The following CTNNA2 variants were observed in gnomAD, a reference collection of about 807,000 sequenced individuals.
CTNNA2 encodes catenin alpha-2.
CTNNA2 carries 42 observed loss-of-function variants against 101.0 expected under a neutral mutation model. The ratio of observed to expected loss-of-function variants is 0.42; its 90% CI spans 0.32 to 0.54. CTNNA2 has a LOEUF of 0.54. Among genes scored for constraint, CTNNA2 ranks in the 20% least tolerant of loss-of-function variants. CTNNA2 has a pLI of 0.14. For missense variants in CTNNA2, 871 were observed against 1,223.1 expected (o/e 0.71, Z 4.29); for synonymous variants, 450 against 456.4 (o/e 0.99, Z 0.18).
chr2:79,340,849 A>AAAG (rs1677119560), intron 3 of CTNNA2, among the ~76,000 whole-genome samples: 2 of 149,410 alleles, frequency 1.3e-5, no homozygotes, highest in African/African-American at 4.9e-5. Flanking sequence ...AAAAAAAAAA[A>AAAG]AAAAAGAAAA....
At chr2:79,986,439 G>C (rs1259993870) in intron 7 of CTNNA2, among the ~76,000 whole-genome samples, 1 of 152,082 alleles carries the variant, frequency 6.6e-6, no homozygotes, top group African/African-American at 2.4e-5. Flanking sequence ...ACTGTTGGTG[G>C]GACCACTGAT....
At position 80,605,120 on chromosome 2, in the gene CTNNA2, C is replaced by T. The variant is rs574312300; in HGVS notation, c.2295+941C>T. ...GAAATTCTCAGAGTATCTCTTAATG[C>T]TTTCAAACCAAACTAGGATATACAT... On this transcript the variant is annotated intron_variant, in intron 16 of 18. Transcript: ENST00000402739. The T allele has an allele frequency of 2.6e-5, 4 of 152,098 alleles. No homozygotes were observed. The East Asian group carries it at 7.8e-4, about 30-fold the overall frequency. 9.4% of individuals were successfully genotyped at this position (152,098 alleles called of 1,614,324 possible). A position where few individuals can be genotyped will look rare whatever the true frequency, so the allele number is the denominator to read the frequency against.
intron 9 of CTNNA2, among the ~76,000 whole-genome samples, chr2:80,479,349 T>G (rs1325979965): frequency 3.3e-5 from 5 of 152,118 alleles, no homozygotes; most frequent in Non-Finnish European, 5.9e-5. Flanking sequence ...ATGCTACTGG[T>G]GTCTAGTGGG....
rs192350120 is a variant in CTNNA2 at position 79,836,663 on chromosome 2, G to T, written c.299-21350G>T. Among the ~76,000 whole-genome samples the T allele has an allele frequency of 5.9e-5, 9 of 152,296 alleles. No individual in the cohort carries two copies. The East Asian group carries it at 1.7e-3, about 29-fold the overall frequency. On this transcript the variant is annotated intron_variant, in intron 3 of 18. Coordinates refer to ENST00000402739, the MANE Select transcript of CTNNA2 (RefSeq NM_001282597.3). ...TCTTCCTAGCTCCTGGTGGTTTGCT[G>T]TTCATCTTTGGTGTGCCTTGACTTA...
At position 79,724,857 on chromosome 2, in the gene CTNNA2, T is replaced by C. The variant is rs75056691; in HGVS notation, c.103-19530T>C. On this transcript the variant is annotated intron_variant, in intron 2 of 18. Coordinates refer to ENST00000402739, the MANE Select transcript of CTNNA2 (RefSeq NM_001282597.3). ...AAAAAGGAAAAGAAAAAAGAAATAA[T>C]GAGTGAGTTATGACTTAGAGGCTTG... is the stretch of plus-strand genomic sequence containing the variant. 5.9e-4 allele frequency among the ~76,000 whole-genome samples: 84 copies of C among 141,542 alleles called. No homozygotes were observed. In the East Asian group the frequency reaches 0.015, roughly 25 times the overall value. 92.9% of individuals were successfully genotyped at this position (141,542 alleles called of 152,430 possible).
At chr2:80,419,311 G>A (rs1680305279) in intron 8 of CTNNA2, 138 bp from the exon 9 acceptor site, 3 of 629,608 alleles carry the variant, frequency 4.8e-6, no homozygotes, top group Non-Finnish European at 8.1e-6. Flanking sequence ...AATAATGTAA[G>A]CACTGGGAAA....
At chr2:79,532,482 G>A (rs1347761332) in intron 1 of CTNNA2, among the ~76,000 whole-genome samples, 2 of 152,104 alleles carry the variant, frequency 1.3e-5, no homozygotes, top group African/African-American at 4.8e-5. Flanking sequence ...TGGATTCATT[G>A]AATGTGCTTT....
At chr2:80,183,238 C>T (rs1479269656) in intron 7 of CTNNA2, among the ~76,000 whole-genome samples, 2 of 152,060 alleles carry the variant, frequency 1.3e-5, no homozygotes, top group African/African-American at 4.8e-5. Flanking sequence ...TGGTAGTGAT[C>T]TTGATTAGAA....
intron 2 of CTNNA2, among the ~76,000 whole-genome samples, chr2:79,287,564 C>CTCGCGGG (rs556673100): frequency 7.0e-6 from 1 of 143,792 alleles, no homozygotes; most frequent in Non-Finnish European, 1.5e-5. Flanking sequence ...AGTTAGGCTG[C>CTCGCGGG]TCAGGGGTCA....
intron 3 of CTNNA2, among the ~76,000 whole-genome samples, chr2:79,318,011 G>T (rs1676535127): frequency 6.6e-6 from 1 of 151,740 alleles, no homozygotes; most frequent in Non-Finnish European, 1.5e-5. Flanking sequence ...AATATTTCTT[G>T]GTCACCTATC....
chr2:80,413,353 A>G (rs924869073), intron 8 of CTNNA2, among the ~76,000 whole-genome samples: 1 of 152,202 alleles, frequency 6.6e-6, no homozygotes, highest in Non-Finnish European at 1.5e-5. Context: ...GCTTCATGAA[A>G]GACAGTTGGT....
At chr2:80,248,515 G>A (rs964699289) in intron 7 of CTNNA2, among the ~76,000 whole-genome samples, 1 of 152,138 alleles carries the variant, frequency 6.6e-6, no homozygotes, top group African/African-American at 2.4e-5. Context: ...ATTAAAAATT[G>A]TTTTATCCCA....
chr2:79,238,407 AT>A (rs1240564588), intron 2 of CTNNA2, among the ~76,000 whole-genome samples: 5 of 152,240 alleles, frequency 3.3e-5, no homozygotes, highest in African/African-American at 9.6e-5. Context: ...CATAACAGAT[AT>A]AAAAATAATG....
In CTNNA2 at chr2:79,469,572, A is replaced by G. The variant is rs13029375; in HGVS notation, c.-134-35482A>G. On this transcript the variant is annotated intron_variant, in intron 4 of 21. Coordinates refer to the CTNNA2 transcript ENST00000466387. Reference sequence around the variant, plus strand: ...GATACCAAAGCCCAGCAGAGACACAACAAAAAAAGAGACTTTTAGACCAAT... The same window carrying G: ...GATACCAAAGCCCAGCAGAGACACAGCAAAAAAAGAGACTTTTAGACCAAT... Among the ~76,000 whole-genome samples the G allele has an allele frequency of 2.7e-4, 41 of 152,292 alleles. 1 individual carries two copies. Among genetic ancestry groups the G allele is most frequent in the Admixed American group, 1.6e-3 (24 of 15,298 alleles).
At chr2:79,660,752 G>A (rs1465056568) in intron 2 of CTNNA2, among the ~76,000 whole-genome samples, 1 of 152,046 alleles carries the variant, frequency 6.6e-6, no homozygotes, top group African/African-American at 2.4e-5. Context: ...CCAGATGGGA[G>A]TGATACTCTT....
At chr2:79,924,643 C>G (rs936625657) in intron 7 of CTNNA2, among the ~76,000 whole-genome samples, 1 of 151,984 alleles carries the variant, frequency 6.6e-6, no homozygotes, top group African/African-American at 2.4e-5. Context: ...TGTTTTGTAC[C>G]CTAACTTGAC....
chr2:79,495,977 T>C (rs1186982441), intron 4 of CTNNA2, among the ~76,000 whole-genome samples: 1 of 152,018 alleles, frequency 6.6e-6, no homozygotes, highest in Non-Finnish European at 1.5e-5. Context: ...GGGCGATTAA[T>C]GGTTTGAGGG....
chr2:80,187,878 C>T (rs1315856726), intron 7 of CTNNA2, among the ~76,000 whole-genome samples: 1 of 151,952 alleles, frequency 6.6e-6, no homozygotes. Context: ...CCTCACCTTA[C>T]AACCATATGT....
intron 3 of CTNNA2, among the ~76,000 whole-genome samples, chr2:79,811,321 GTCT>G (rs1677016464): frequency 6.6e-6 from 1 of 152,146 alleles, no homozygotes; most frequent in Admixed American, 6.5e-5. Context: ...CTGCATAAAT[GTCT>G]TCTTTTGAGG....
Sources: allele counts gnomAD v4.1 joint callset (sites outside exome capture counted in the v4.1 genomes callset), GRCh38; gene constraint gnomAD v4.1.1; transcripts MANE v1.5; gene names NCBI Gene and HGNC (gene_info 2026-07-23, HGNC 2026-07-21).